Variants in COL23A1 observed in about 807,000 individuals in gnomAD.
COL23A1 encodes the protein collagen alpha-1(XXIII) chain.
Under a neutral mutation model 99.3 loss-of-function variants are expected in COL23A1, and 97 were observed. The ratio of observed to expected loss-of-function variants is 0.98; its 90% CI spans 0.83 to 1.16. The LOEUF is 1.16. Among genes scored for constraint, COL23A1 ranks in the 50% most tolerant of loss-of-function variants. COL23A1 has a pLI of 0.00. For missense variants in COL23A1, 762 were observed against 757.4 expected (o/e 1.01, Z -0.07); for synonymous variants, 320 against 308.2 (o/e 1.04, Z -0.40).
chr5:178,484,851 G>A (rs1323074564), intron 2 of COL23A1, among the ~76,000 whole-genome samples: 1 of 149,476 alleles, frequency 6.7e-6, no homozygotes, highest in Non-Finnish European at 1.5e-5. Context: ...AAAGAGCAGT[G>A]AGGCCAGACA....
chr5:178,262,531 G>T (rs909266043), intron 9 of COL23A1, among the ~76,000 whole-genome samples: 1 of 152,126 alleles, frequency 6.6e-6, no homozygotes, highest in African/African-American at 2.4e-5. Flanking sequence ...ACTGGGGGGG[G>T]ACCCTGGTGG....
chr5:178,391,556 C>T (rs963757636), intron 2 of COL23A1, among the ~76,000 whole-genome samples: 1 of 152,128 alleles, frequency 6.6e-6, no homozygotes, highest in African/African-American at 2.4e-5. Flanking sequence ...CTAGGATGGC[C>T]AGAATAAAAG....
intron 2 of COL23A1, chr5:178,352,229 C>A (rs1761370728): frequency 1.3e-5 from 2 of 152,346 alleles, no homozygotes; most frequent in South Asian, 2.1e-4. Flanking sequence ...GGTTCTGTGA[C>A]TGGATCAAGT....
chr5:178,249,964 A>G (rs1764941101), intron 18 of COL23A1, 97 bp downstream of exon 18: 2 of 1,419,916 alleles, frequency 1.4e-6, no homozygotes, highest in Non-Finnish European at 1.9e-6. Flanking sequence ...TGTTTCTCTA[A>G]CTCTGTGCAC....
chr5:178,527,634 C>T (rs539176330), intron 2 of COL23A1, among the ~76,000 whole-genome samples: 2 of 152,362 alleles, frequency 1.3e-5, no homozygotes, highest in East Asian at 3.9e-4. Flanking sequence ...TCTGCCAAGA[C>T]CTGGAGACAA....
intron 2 of COL23A1, among the ~76,000 whole-genome samples, chr5:178,311,512 GTGTGTGTGTGTGTGTGTGTAA>G (rs1758676536): frequency 2.9e-5 from 1 of 34,352 alleles, no homozygotes; most frequent in African/African-American, 1.1e-4. Context: ...GTGTGCGCGT[GTGTGTGTGTGTGTGTGTGTAA>G]TGCGGGGCTT....
intron 2 of COL23A1, among the ~76,000 whole-genome samples, chr5:178,352,841 C>T (rs1190662048): frequency 1.3e-5 from 2 of 152,196 alleles, no homozygotes; most frequent in African/African-American, 2.4e-5. Context: ...AGGCCCAGCA[C>T]GTCTGTTTGT....
At chr5:178,257,430 G>A (rs970231781) in intron 13 of COL23A1, 93 bp downstream of exon 13, 1 of 1,432,262 alleles carries the variant, frequency 7.0e-7, no homozygotes, top group Non-Finnish European at 9.6e-7. Context: ...AGGAACCCGT[G>A]GTGCCAAAGG....
chr5:178,281,701 C>T lies in COL23A1; in HGVS notation c.441+6623G>A, dbSNP rs568163583. 2.6e-5 allele frequency among the ~76,000 whole-genome samples: 4 copies of T among 152,242 alleles called. No individual in the cohort carries two copies. The East Asian group carries it at 7.7e-4, about 29-fold the overall frequency. On this transcript the variant is annotated intron_variant, in intron 5 of 28. Transcript: ENST00000390654. The surrounding 1 kb of genome is among the most constrained non-coding windows in gnomAD (Gnocchi z 4.0). ...AGTTTCTGCCCTGTAGCCAAGGAGG[C>T]CTTTTCTACTTTTTAATAATTAATT...
At chr5:178,449,509 C>A (rs943745734) in intron 2 of COL23A1, among the ~76,000 whole-genome samples, 3 of 152,170 alleles carry the variant, frequency 2.0e-5, no homozygotes, top group African/African-American at 4.8e-5. Context: ...ATGAATAAAG[C>A]TGTTTTCTAT....
At chr5:178,241,953 C>T in intron 27 of COL23A1, 89 bp downstream of exon 27, 1 of 980,590 alleles carries the variant, frequency 1.0e-6, no homozygotes, top group Non-Finnish European at 1.5e-6. Context: ...CTGGGACTTG[C>T]AGCTGAGTTC....
intron 2 of COL23A1, among the ~76,000 whole-genome samples, chr5:178,373,415 A>T (rs546844236): frequency 5.9e-5 from 9 of 151,590 alleles, no homozygotes; most frequent in South Asian, 2.1e-4. Context: ...TTTATTTTTT[A>T]TTTTTATTTT....
At chr5:178,486,441 G>A (rs531565469) in intron 2 of COL23A1, among the ~76,000 whole-genome samples, 5 of 152,312 alleles carry the variant, frequency 3.3e-5, no homozygotes, top group East Asian at 3.9e-4. Flanking sequence ...AGCGCACTGC[G>A]TAATTACCAC....
chr5:178,287,088 C>T lies in COL23A1; in HGVS notation c.441+1236G>A, dbSNP rs557449518. On this transcript the variant is annotated intron_variant, in intron 5 of 28. Transcript: ENST00000390654. ...GCCTGTGCTTCCCCAAGATGCTGGA[C>T]GCCCAAAGGTCCGGGCTGCCGTGTG... 2.8e-3 allele frequency among the ~76,000 whole-genome samples: 424 copies of T among 152,354 alleles called. 2 individuals carry two copies. The highest frequency in any genetic ancestry group is 4.0e-3 in the Non-Finnish European group (270 of 68,024).
chr5:178,419,399 G>A (rs574668126), intron 2 of COL23A1, among the ~76,000 whole-genome samples: 3 of 152,312 alleles, frequency 2.0e-5, no homozygotes, highest in South Asian at 4.1e-4. Context: ...TGAGGTCACC[G>A]GTAACGACAG....
intron 2 of COL23A1, among the ~76,000 whole-genome samples, chr5:178,456,671 C>T (rs1163684428): frequency 6.6e-6 from 1 of 152,164 alleles, no homozygotes; most frequent in Non-Finnish European, 1.5e-5. Flanking sequence ...GCACTCCAGC[C>T]TGGGCAACAA....
At chr5:178,516,390 C>T (rs970464432) in intron 2 of COL23A1, among the ~76,000 whole-genome samples, 4 of 152,212 alleles carry the variant, frequency 2.6e-5, no homozygotes, top group Admixed American at 2.0e-4. Flanking sequence ...AGGCGCTGCC[C>T]GATGACGGCT....
intron 2 of COL23A1, among the ~76,000 whole-genome samples, chr5:178,539,545 CAAAAAAA>C (rs58424731): frequency 2.6e-5 from 2 of 78,384 alleles, no homozygotes; most frequent in Admixed American, 1.8e-4. Context: ...GACTCTGTCT[CAAAAAAA>C]AAAAAAAAAA....
Position 178,441,298 on chromosome 5 carries a change from G to A in COL23A1, c.361+119384C>T, listed in dbSNP as rs145368181. Among the ~76,000 whole-genome samples, 10 of 152,324 alleles carry A rather than the reference G, an allele frequency of 6.6e-5. No homozygotes were observed. In the East Asian group the frequency reaches 1.9e-3, roughly 29 times the overall value. On this transcript the variant is annotated intron_variant, in intron 2 of 28. Coordinates refer to ENST00000390654, the MANE Select transcript of COL23A1 (RefSeq NM_173465.4). ...CTCTGCAAGAAGTTCAATGACTGCT[G>A]TAAATCTCACTTATAAAACTAATAC...
Sources: allele counts gnomAD v4.1 joint callset (sites outside exome capture counted in the v4.1 genomes callset), GRCh38; gene constraint gnomAD v4.1.1; non-coding constraint Gnocchi (gnomAD v3.1); transcripts MANE v1.5; gene names NCBI Gene and HGNC (gene_info 2026-07-23, HGNC 2026-07-21).